The following ATP6V1A variants were observed in gnomAD, a reference collection of about 807,000 sequenced individuals.
The protein encoded by ATP6V1A is V-type proton ATPase catalytic subunit A.
ATP6V1A carries 18 observed loss-of-function variants against 70.1 expected under a neutral mutation model. That is an observed-to-expected ratio of 0.26 (90% CI 0.18 to 0.38). ATP6V1A has a LOEUF of 0.38. ATP6V1A is among the 10% of genes least tolerant of loss of function. The pLI, the probability that ATP6V1A is intolerant of heterozygous loss-of-function variation, is 1.00. For synonymous variants in ATP6V1A, 232 were observed against 253.8 expected, an observed-to-expected ratio of 0.91 and a Z score of 0.82; for missense variants, 424 against 772.4, an observed-to-expected ratio of 0.55 and a Z score of 5.35.
At chr3:113,753,339 G>C (rs1288690317) in intron 1 of ATP6V1A, among the ~76,000 whole-genome samples, 1 of 152,202 alleles carries the variant, frequency 6.6e-6, no homozygotes, top group Admixed American at 6.5e-5. Flanking sequence ...AATGCTAGCG[G>C]AGATGTGAAG....
chr3:113,781,302 A>G, intron 3 of ATP6V1A, 124 bp downstream of exon 3: 1 of 1,115,614 alleles, frequency 9.0e-7, no homozygotes. Context: ...GGATCACCTG[A>G]GGTCAGGAAT....
intron 11 of ATP6V1A, 104 bp from the exon 12 acceptor site, chr3:113,798,138 CA>C (rs370636292): frequency 9.9e-3 from 11,028 of 1,115,974 alleles, no homozygotes; most frequent in East Asian, 0.011. Flanking sequence ...GTCTCAAAAA[CA>C]AAAAAAAAAG....
chr3:113,751,110 A>G (rs1354218937), intron 1 of ATP6V1A, among the ~76,000 whole-genome samples: 1 of 152,158 alleles, frequency 6.6e-6, no homozygotes, highest in Non-Finnish European at 1.5e-5. Context: ...TGGATTATAG[A>G]AGTATATTAA....
intron 1 of ATP6V1A, among the ~76,000 whole-genome samples, chr3:113,774,510 G>C (rs755851569): frequency 1.6e-4 from 25 of 152,100 alleles, no homozygotes; most frequent in Middle Eastern, 3.4e-3. Flanking sequence ...CGTGGCATTT[G>C]TCTCTCAATA....
intron 1 of ATP6V1A, among the ~76,000 whole-genome samples, chr3:113,754,076 C>T (rs1190006041): frequency 6.6e-6 from 1 of 152,100 alleles, no homozygotes; most frequent in Non-Finnish European, 1.5e-5. Flanking sequence ...ACAGAATATC[C>T]ATAGTAACAT....
intron 7 of ATP6V1A, 93 bp from the exon 8 acceptor site, chr3:113,789,639 A>G: frequency 1.1e-6 from 1 of 885,930 alleles, no homozygotes; most frequent in South Asian, 1.6e-5. Flanking sequence ...GGCATTAAAT[A>G]TGGGCAAAAG....
chr3:113,805,210 T>C (rs899592845), intron 13 of ATP6V1A, 144 bp from the exon 14 acceptor site: 6 of 815,828 alleles, frequency 7.4e-6, no homozygotes, highest in Non-Finnish European at 1.1e-5. Context: ...TTCACTATTA[T>C]TTTTTTATTC....
intron 1 of ATP6V1A, among the ~76,000 whole-genome samples, chr3:113,756,494 G>T (rs1363219433): frequency 1.3e-5 from 2 of 152,120 alleles, no homozygotes; most frequent in African/African-American, 2.4e-5. Context: ...CTGCCATTTA[G>T]CTTGGGTCTT....
chr3:113,775,948 C>G (rs1346902014), intron 1 of ATP6V1A, among the ~76,000 whole-genome samples: 1 of 152,138 alleles, frequency 6.6e-6, no homozygotes, highest in African/African-American at 2.4e-5. Flanking sequence ...TGTTTTCCCC[C>G]GTATTATCTC....
rs1308546543 is a variant in ATP6V1A, at chr3:113,782,573, C to CACGTATATATATATAT, written c.211+1395_211+1396insACGTATATATATATAT. Among the ~76,000 whole-genome samples the CACGTATATATATATAT allele has an allele frequency of 4.5e-4, 64 of 141,206 alleles. 1 individual carries two copies. Among genetic ancestry groups the CACGTATATATATATAT allele is most frequent in the African/African-American group, 1.6e-3 (62 of 38,366 alleles). 92.6% of individuals were successfully genotyped at this position (141,206 alleles called of 152,430 possible). ...ATATATATACATGTGTATATATATA[C>CACGTATATATATATAT]GTATATATATACACATATATATATA... is the stretch of plus-strand genomic sequence containing the variant. On this transcript the variant is annotated intron_variant, in intron 3 of 14. Transcript: ENST00000273398.
chr3:113,776,644 T>C (rs1004163459), intron 1 of ATP6V1A, among the ~76,000 whole-genome samples: 1 of 152,240 alleles, frequency 6.6e-6, no homozygotes, highest in Non-Finnish European at 1.5e-5. Flanking sequence ...TTTAATTCTG[T>C]TAAAGTAGTT....
chr3:113,778,699 C>T (rs546148643), intron 1 of ATP6V1A, 42 bp from the exon 2 acceptor site: 77 of 1,261,992 alleles, frequency 6.1e-5, no homozygotes, highest in South Asian at 1.8e-4. Context: ...TTTTGCTTTA[C>T]GGTTTATAAT....
At chr3:113,775,328 C>G (rs1708897459) in intron 1 of ATP6V1A, among the ~76,000 whole-genome samples, 1 of 150,958 alleles carries the variant, frequency 6.6e-6, no homozygotes, top group Non-Finnish European at 1.5e-5. Flanking sequence ...CTCCCGGGTT[C>G]AAGCAATTCT....
At chr3:113,771,489 G>A (rs1430664467) in intron 1 of ATP6V1A, among the ~76,000 whole-genome samples, 2 of 139,580 alleles carry the variant, frequency 1.4e-5, no homozygotes, top group East Asian at 2.1e-4. Context: ...CCAGGCTGGT[G>A]TGCAGTGACG....
In ATP6V1A at chr3:113,756,581, A is replaced by G. The variant is rs145159521; in HGVS notation, c.-14+9468A>G. 2.0e-5 allele frequency among the ~76,000 whole-genome samples: 3 copies of G among 152,340 alleles called. No homozygotes were observed. In the East Asian group the frequency reaches 5.8e-4, roughly 29 times the overall value. Reference sequence around the variant, plus strand: ...CCATCATGTAATAGCTTAAGTTACTATCATATGGAATTAATGTAACAATGT... The same window carrying G: ...CCATCATGTAATAGCTTAAGTTACTGTCATATGGAATTAATGTAACAATGT... On this transcript the variant is annotated intron_variant, in intron 1 of 14. Transcript: ENST00000273398.
chr3:113,782,703 A>C (rs1040275830), intron 3 of ATP6V1A, among the ~76,000 whole-genome samples: 1 of 151,176 alleles, frequency 6.6e-6, no homozygotes. Context: ...GGCTTACTGC[A>C]ACCTCCGCCT....
intron 6 of ATP6V1A, among the ~76,000 whole-genome samples, chr3:113,787,210 C>T (rs1198671468): frequency 6.6e-6 from 1 of 152,166 alleles, no homozygotes; most frequent in East Asian, 1.9e-4. Flanking sequence ...GTACTCATAG[C>T]TCTGCAGAAA....
chr3:113,786,966 G>T (rs1317621441), intron 6 of ATP6V1A, among the ~76,000 whole-genome samples: 1 of 151,980 alleles, frequency 6.6e-6, no homozygotes, highest in Admixed American at 6.6e-5. Flanking sequence ...TTTTGGTAGA[G>T]ACCGGGTTTG....
chr3:113,766,048 C>T (rs1401938767), intron 1 of ATP6V1A, among the ~76,000 whole-genome samples: 1 of 152,074 alleles, frequency 6.6e-6, no homozygotes, highest in African/African-American at 2.4e-5. Flanking sequence ...CTTGTGCTTG[C>T]GTTTTTACAT....
Sources: gnomAD v4.1 joint callset for allele counts (sites outside exome capture counted in the v4.1 genomes callset) on GRCh38, gnomAD v4.1.1 for gene constraint, MANE v1.5 for transcripts, NCBI Gene and HGNC (gene_info 2026-07-23, HGNC 2026-07-21) for gene names.